RBFOX1: variants seen among roughly 807,000 people sequenced by gnomAD.
RBFOX1 encodes the protein RNA binding fox-1 homolog 1.
Under a neutral mutation model 57.7 loss-of-function variants are expected in RBFOX1, and 8 were observed. The observed-to-expected ratio is 0.14, with a 90% CI of 0.08 to 0.25. The LOEUF (loss-of-function observed/expected upper bound fraction) is 0.25. Among genes scored for constraint, RBFOX1 ranks in the 10% least tolerant of loss-of-function variants. The pLI is 1.00. For synonymous variants in RBFOX1, 326 were observed against 222.4 expected (o/e 1.47, Z -4.15); for missense variants, 611 against 548.5 (o/e 1.11, Z -1.14).
intron 2 of RBFOX1, among the ~76,000 whole-genome samples, chr16:6,575,321 C>T (rs1380661768): frequency 6.6e-6 from 1 of 152,004 alleles, no homozygotes; most frequent in Non-Finnish European, 1.5e-5. Context: ...TTTATATTTT[C>T]TTCAAATTTA....
intron 1 of RBFOX1, among the ~76,000 whole-genome samples, chr16:5,397,709 G>T (rs914262538): frequency 6.6e-6 from 1 of 152,182 alleles, no homozygotes; most frequent in Non-Finnish European, 1.5e-5. Context: ...GACCTTCTTT[G>T]GGTCTTGATT....
At chr16:5,616,820 C>G (rs997598017) in intron 3 of RBFOX1, among the ~76,000 whole-genome samples, 3 of 149,778 alleles carry the variant, frequency 2.0e-5, no homozygotes, top group Non-Finnish European at 3.0e-5. Context: ...CTCCTCCATC[C>G]TCTTCTTTCT....
At chr16:6,990,276 G>A (rs2091200916) in intron 3 of RBFOX1, among the ~76,000 whole-genome samples, 1 of 152,110 alleles carries the variant, frequency 6.6e-6, no homozygotes, top group Non-Finnish European at 1.5e-5. Context: ...TGTAATCCCA[G>A]TACTTTGGGA....
intron 7 of RBFOX1, among the ~76,000 whole-genome samples, chr16:7,588,140 C>T (rs2094228116): frequency 6.6e-6 from 1 of 152,200 alleles, no homozygotes; most frequent in Admixed American, 6.5e-5. Context: ...GATTGCACCA[C>T]TGCACCACAG....
At chr16:7,433,895 C>T (rs1598337972) in intron 4 of RBFOX1, among the ~76,000 whole-genome samples, 1 of 152,134 alleles carries the variant, frequency 6.6e-6, no homozygotes. Context: ...AGGCCATCTC[C>T]AAAGGAGTTC....
chr16:6,914,450 G>C (rs2072567259), intron 3 of RBFOX1, among the ~76,000 whole-genome samples: 1 of 151,962 alleles, frequency 6.6e-6, no homozygotes, highest in Admixed American at 6.6e-5. Flanking sequence ...AGGTACTTTT[G>C]CATTAATAAG....
At chr16:7,262,416 GA>G (rs1161247022) in intron 4 of RBFOX1, among the ~76,000 whole-genome samples, 3 of 152,064 alleles carry the variant, frequency 2.0e-5, no homozygotes, top group African/African-American at 7.3e-5. Context: ...ATACGGCACT[GA>G]AAAATTGCAA....
At chr16:5,557,184 C>G (rs914097076) in intron 2 of RBFOX1, among the ~76,000 whole-genome samples, 16 of 151,914 alleles carry the variant, frequency 1.1e-4, no homozygotes, top group African/African-American at 3.9e-4. Context: ...CGTTTGAACC[C>G]AGGAGGCAGA....
At chr16:7,253,379 C>T (rs570224436) in intron 4 of RBFOX1, among the ~76,000 whole-genome samples, 67 of 152,216 alleles carry the variant, frequency 4.4e-4, no homozygotes, top group African/African-American at 1.5e-3. Context: ...TTCACTCTAA[C>T]TGCTTTGCAT....
chr16:5,461,176 C>T (rs2151594624), intron 1 of RBFOX1, among the ~76,000 whole-genome samples: 1 of 152,294 alleles, frequency 6.6e-6, no homozygotes, highest in Non-Finnish European at 1.5e-5. Context: ...CGTGGTCTTG[C>T]TGTTTGCAAG....
chr16:6,776,316 C>T (rs1603620024), intron 3 of RBFOX1, among the ~76,000 whole-genome samples: 2 of 152,106 alleles, frequency 1.3e-5, no homozygotes, highest in South Asian at 2.1e-4. Flanking sequence ...GGGGCTGAGG[C>T]AGGAGAATGG....
intron 1 of RBFOX1, among the ~76,000 whole-genome samples, chr16:6,039,497 G>A (rs993809964): frequency 2.0e-5 from 3 of 152,164 alleles, no homozygotes; most frequent in African/African-American, 4.8e-5. Context: ...GATTTGGGTA[G>A]TTTTGAATCC....
chr16:6,837,283 C>T (rs767946697), intron 3 of RBFOX1, among the ~76,000 whole-genome samples: 5 of 152,166 alleles, frequency 3.3e-5, no homozygotes, highest in Admixed American at 2.0e-4. Context: ...GTCTGTTCCA[C>T]GAGGTGGCTC....
intron 3 of RBFOX1, among the ~76,000 whole-genome samples, chr16:6,727,296 A>G (rs985712332): frequency 2.6e-5 from 4 of 151,758 alleles, no homozygotes; most frequent in African/African-American, 9.7e-5. Context: ...GTTTTTTGCC[A>G]TTTCTTTCAG....
intron 2 of RBFOX1, among the ~76,000 whole-genome samples, chr16:6,562,652 A>G (rs1347584726): frequency 6.6e-6 from 1 of 152,218 alleles, no homozygotes; most frequent in Non-Finnish European, 1.5e-5. Flanking sequence ...TTGACAAATG[A>G]GAAAGCAGCC....
chr16:5,818,233 A>G (rs940167110), intron 3 of RBFOX1, among the ~76,000 whole-genome samples: 7 of 152,194 alleles, frequency 4.6e-5, no homozygotes, highest in African/African-American at 1.7e-4. Flanking sequence ...GCCTCCAGGC[A>G]TTGTGTACCG....
chr16:5,304,986 G>C (rs1277528537), intron 1 of RBFOX1, among the ~76,000 whole-genome samples: 1 of 152,102 alleles, frequency 6.6e-6, no homozygotes, highest in African/African-American at 2.4e-5. Context: ...TCAGTTCCTT[G>C]TCTTTTGCTT....
At chr16:6,399,848 C>G (rs1469787747) in intron 2 of RBFOX1, among the ~76,000 whole-genome samples, 2 of 152,200 alleles carry the variant, frequency 1.3e-5, no homozygotes, top group African/African-American at 4.8e-5. Flanking sequence ...TCATGGAAGA[C>G]ACCTCTTCAC....
At chr16:5,545,433 C>T (rs192400646) in intron 2 of RBFOX1, among the ~76,000 whole-genome samples, 1 of 152,232 alleles carries the variant, frequency 6.6e-6, no homozygotes, top group East Asian at 1.9e-4. Context: ...AGTCCAATAT[C>T]TATCATGAAT....
Sources: allele counts gnomAD v4.1 joint callset (sites outside exome capture counted in the v4.1 genomes callset), GRCh38; gene constraint gnomAD v4.1.1; transcripts MANE v1.5; gene names NCBI Gene and HGNC (gene_info 2026-07-23, HGNC 2026-07-21).